The following SEC14L1 variants were observed in gnomAD, a reference collection of about 807,000 sequenced individuals.
The protein encoded by SEC14L1 is SEC14 like lipid binding 1.
Under a neutral mutation model 85.3 loss-of-function variants are expected in SEC14L1, and 48 were observed. That is an observed-to-expected ratio of 0.56 (90% CI 0.45 to 0.72). SEC14L1 has a LOEUF of 0.72. SEC14L1 is among the 30% of genes least tolerant of loss of function. The pLI, the probability that SEC14L1 is intolerant of heterozygous loss-of-function variation, is 0.00. For synonymous variants in SEC14L1, 391 were observed against 355.5 expected (o/e 1.10, Z -1.12); for missense variants, 682 against 921.4 (o/e 0.74, Z 3.36).
chr17:77,094,468 GT>G (rs1971591469), intron 3 of SEC14L1: 1 of 150,234 alleles, frequency 6.7e-6, no homozygotes, highest in Non-Finnish European at 1.5e-5. Context: ...CGTTTTTTTT[GT>G]TTGTTTTTTG....
intron 3 of SEC14L1, among the ~76,000 whole-genome samples, chr17:77,110,236 C>T (rs183270186): frequency 9.9e-5 from 15 of 152,236 alleles, no homozygotes; most frequent in African/African-American, 2.9e-4. Context: ...GGAAAGGAAA[C>T]GCATTCTTGG....
At chr17:77,193,244 T>C (rs1419452932) in intron 5 of SEC14L1, among the ~76,000 whole-genome samples, 177 bp from the exon 6 acceptor site, 1 of 152,250 alleles carries the variant, frequency 6.6e-6, no homozygotes, top group East Asian at 1.9e-4. Flanking sequence ...ATTTAGAATG[T>C]GCTTTTGATC....
At chr17:77,101,752 C>T (rs899667128) in intron 3 of SEC14L1, among the ~76,000 whole-genome samples, 51 of 152,226 alleles carry the variant, frequency 3.4e-4, no homozygotes, top group African/African-American at 1.2e-3. Context: ...GGTCCTTTCT[C>T]AGGGATGGTG....
intron 3 of SEC14L1, among the ~76,000 whole-genome samples, chr17:77,154,648 G>GTTTT (rs1169954219): frequency 0.015 from 1,231 of 81,612 alleles, 9 homozygotes; most frequent in South Asian, 0.064. Flanking sequence ...TTTTTTTTTG[G>GTTTT]TTTTTTTTTA....
At chr17:77,140,103 C>T (rs1443963622), upstream of SEC14L1, among the ~76,000 whole-genome samples, 2 of 152,202 alleles carry the variant, frequency 1.3e-5, no homozygotes, top group Non-Finnish European at 2.9e-5. Context: ...TGTGGGTGGG[C>T]ATGCGAGGTG....
chr17:77,105,464 G>A (rs1324786830), intron 3 of SEC14L1, among the ~76,000 whole-genome samples: 4 of 143,444 alleles, frequency 2.8e-5, no homozygotes, highest in African/African-American at 1.0e-4. Flanking sequence ...TATAAATTGT[G>A]CTTACCACCC....
Position 77,215,977 on chromosome 17 carries a change from GTTA to G in SEC14L1, c.*1955_*1957del, listed in dbSNP as rs1977035339. ...GGGTTAGGTAGGGTTCGTAGGTAGG[GTTA>G]GTAGGTAGGGCTAGTAGGTAGGGTT... On this transcript the variant is annotated 3_prime_UTR_variant, in exon 17 of 17. Transcript: ENST00000436233. 1 of 684,592 alleles carries G rather than the reference GTTA, an allele frequency of 1.5e-6. No individual in the cohort carries two copies. Among genetic ancestry groups the G allele is most frequent in the Non-Finnish European group, 1.7e-6 (1 of 574,570 alleles). The allele number at this position is 684,592 out of a possible 1,614,324, so 42.4% of individuals were successfully genotyped here.
intron 3 of SEC14L1, among the ~76,000 whole-genome samples, chr17:77,116,595 C>G (rs1972176943): frequency 6.6e-6 from 1 of 152,126 alleles, no homozygotes; most frequent in Non-Finnish European, 1.5e-5. Flanking sequence ...TTTTCAGCCC[C>G]TGGCTCTTGG....
intron 3 of SEC14L1, among the ~76,000 whole-genome samples, chr17:77,159,226 C>A (rs1203572257): frequency 6.7e-6 from 1 of 148,188 alleles, no homozygotes; most frequent in Non-Finnish European, 1.5e-5. Flanking sequence ...CCACCACCAC[C>A]TGGCTAATTT....
At chr17:77,201,729 G>A (rs1304711477) in intron 9 of SEC14L1, among the ~76,000 whole-genome samples, 1 of 152,166 alleles carries the variant, frequency 6.6e-6, no homozygotes, top group Non-Finnish European at 1.5e-5. Flanking sequence ...AATTACAGGC[G>A]TGAGCCATTG....
intron 3 of SEC14L1, among the ~76,000 whole-genome samples, chr17:77,169,477 C>T (rs1352901155): frequency 6.6e-6 from 1 of 152,218 alleles, no homozygotes; most frequent in Non-Finnish European, 1.5e-5. Flanking sequence ...ACTATCTGGG[C>T]CTCTGGCCTG....
intron 10 of SEC14L1, among the ~76,000 whole-genome samples, chr17:77,204,813 G>A (rs910785111): frequency 1.3e-5 from 2 of 152,150 alleles, no homozygotes; most frequent in African/African-American, 4.8e-5. Flanking sequence ...TAAAGATAGG[G>A]ATGGACTTTA....
At chr17:77,123,045 T>G (rs1972341721) in intron 3 of SEC14L1, among the ~76,000 whole-genome samples, 1 of 151,550 alleles carries the variant, frequency 6.6e-6, no homozygotes, top group African/African-American at 2.4e-5. Flanking sequence ...TTGTTTTGTT[T>G]TTTTGTTTTT....
intron 2 of SEC14L1, 87 bp from the exon 3 acceptor site, chr17:77,143,480 A>G: frequency 1.4e-6 from 1 of 698,066 alleles, no homozygotes; most frequent in Non-Finnish European, 2.5e-6. Context: ...TTCTGTCGTT[A>G]GAGTGTGGTA....
In SEC14L1 at chr17:77,213,621, G is replaced by A. The variant is rs1976887123; in HGVS notation, c.2042+129G>A. 1.7e-6 allele frequency: 2 copies of A among 1,165,066 alleles called. No individual in the cohort carries two copies. Among genetic ancestry groups the A allele is most frequent in the Admixed American group, 3.9e-5 (2 of 50,978 alleles). 72.2% of individuals were successfully genotyped at this position (1,165,066 alleles called of 1,614,324 possible). On this transcript the variant is annotated intron_variant, in intron 16 of 16. Transcript: ENST00000436233. This position sits in a 1 kb window ranked among gnomAD's most constrained non-coding sequence, Gnocchi z 7.1. ...CAGGAATGCTTGGAGGGCCAGGAGG[G>A]AGTGGCTTTGGGGTCATTTGTTGGC...
intron 3 of SEC14L1, among the ~76,000 whole-genome samples, chr17:77,159,471 C>G (rs1567901077): frequency 6.6e-6 from 1 of 151,272 alleles, no homozygotes; most frequent in Non-Finnish European, 1.5e-5. Context: ...ACCTCTGTCT[C>G]CCAGGTTCAA....
At chr17:77,202,551 G>T (rs1360317568) in intron 9 of SEC14L1, among the ~76,000 whole-genome samples, 1 of 152,052 alleles carries the variant, frequency 6.6e-6, no homozygotes, top group Non-Finnish European at 1.5e-5. Flanking sequence ...CCTGGGAGGC[G>T]GAGGTTGCAG....
chr17:77,157,765 A>G (rs1973874413), intron 3 of SEC14L1, among the ~76,000 whole-genome samples: 1 of 152,122 alleles, frequency 6.6e-6, no homozygotes, highest in Non-Finnish European at 1.5e-5. Flanking sequence ...TGACCTCGTG[A>G]TGCGTCTGCC....
rs373130661 is a variant in SEC14L1, at chr17:77,216,069, C to T, written c.*2046C>T. 17 of 898,036 alleles carry T rather than the reference C, an allele frequency of 1.9e-5. No individual in the cohort carries two copies. In the African/African-American group the frequency reaches 4.7e-4, roughly 25 times the overall value. 55.6% of individuals were successfully genotyped at this position (898,036 alleles called of 1,614,324 possible). A position where few individuals can be genotyped will look rare whatever the true frequency, so the allele number is the denominator to read the frequency against. ...TAGTAGGTAGGGCTAGTAGGTAGGG[C>T]TAGTAGGTAGGGTTAGTAGGTAGGG... is the stretch of plus-strand genomic sequence containing the variant. On this transcript the variant is annotated 3_prime_UTR_variant, in exon 17 of 17. Coordinates refer to ENST00000436233, the MANE Select transcript of SEC14L1 (RefSeq NM_001143998.2).
Sources: gnomAD v4.1 joint callset for allele counts (sites outside exome capture counted in the v4.1 genomes callset) on GRCh38, gnomAD v4.1.1 for gene constraint, Gnocchi (gnomAD v3.1) non-coding constraint, MANE v1.5 for transcripts, NCBI Gene and HGNC (gene_info 2026-07-23, HGNC 2026-07-21) for gene names.